The following MKX variants were observed in gnomAD, a reference collection of about 807,000 sequenced individuals.
MKX encodes the protein mohawk homeobox.
MKX carries 13 observed loss-of-function variants against 36.0 expected under a neutral mutation model. That is an observed-to-expected ratio of 0.36 (90% CI 0.24 to 0.57). The LOEUF (loss-of-function observed/expected upper bound fraction) is 0.57, where lower values mean the gene tolerates loss of function less well. Among genes scored for constraint, MKX ranks in the 20% least tolerant of loss-of-function variants. MKX has a pLI of 0.79. For missense variants in MKX, 458 were observed against 456.4 expected (o/e 1.00, Z -0.03); for synonymous variants, 176 against 178.3 (o/e 0.99, Z 0.10).
chr10:27,719,600 T>C (rs912131106), intron 5 of MKX, among the ~76,000 whole-genome samples: 1 of 152,074 alleles, frequency 6.6e-6, no homozygotes, highest in Non-Finnish European at 1.5e-5. Flanking sequence ...GGATCATAGC[T>C]GCTATGACAA....
intron 5 of MKX, among the ~76,000 whole-genome samples, chr10:27,711,515 C>T (rs1211239744): frequency 4.9e-5 from 6 of 123,128 alleles, no homozygotes; most frequent in Admixed American, 9.1e-5. Context: ...TCCTTCCTTC[C>T]TTCCTTCCTT....
chr10:27,705,664 C>A (rs1564354131), intron 5 of MKX, among the ~76,000 whole-genome samples: 1 of 152,104 alleles, frequency 6.6e-6, no homozygotes, highest in Non-Finnish European at 1.5e-5. Context: ...CATATGCTAC[C>A]TTTTTAAAAA....
chr10:27,702,553 C>T (rs539801381), intron 5 of MKX, among the ~76,000 whole-genome samples: 3 of 152,066 alleles, frequency 2.0e-5, no homozygotes, highest in Non-Finnish European at 4.4e-5. Context: ...TCCTACATAC[C>T]GAAGTTATTA....
chr10:27,713,398 A>G (rs1436102869), intron 5 of MKX, among the ~76,000 whole-genome samples: 1 of 152,228 alleles, frequency 6.6e-6, no homozygotes, highest in East Asian at 1.9e-4. Flanking sequence ...AAAGCAGTCC[A>G]TGTACAAAAG....
chr10:27,676,512 G>A (rs1836153974), intron 5 of MKX, among the ~76,000 whole-genome samples: 2 of 151,590 alleles, frequency 1.3e-5, no homozygotes, highest in Admixed American at 6.6e-5. Context: ...TAAGTAGCTG[G>A]GATTACAGGC....
chr10:27,717,024 C>T (rs1246595124), intron 5 of MKX, among the ~76,000 whole-genome samples: 1 of 152,060 alleles, frequency 6.6e-6, no homozygotes, highest in Non-Finnish European at 1.5e-5. Context: ...CTGAGAAAGA[C>T]TCAACATGTG....
At chr10:27,681,922 A>G in intron 5 of MKX, among the ~76,000 whole-genome samples, 1 of 143,360 alleles carries the variant, frequency 7.0e-6, no homozygotes. Context: ...ACTACGTCTC[A>G]AGAAAAAAAA....
intron 5 of MKX, among the ~76,000 whole-genome samples, chr10:27,679,650 T>C (rs111246928): frequency 0.02 from 3,053 of 152,322 alleles, 60 homozygotes; most frequent in African/African-American, 0.054. Flanking sequence ...GCAAGGACTC[T>C]AAAGATCTGG....
chr10:27,699,475 C>G (rs1385089008), intron 5 of MKX, among the ~76,000 whole-genome samples: 3 of 152,166 alleles, frequency 2.0e-5, no homozygotes, highest in Non-Finnish European at 4.4e-5. Flanking sequence ...CACAAAGCTC[C>G]TTTCCTATGG....
rs148104265 is a variant in MKX at position 27,734,584 on chromosome 10, G to C, written c.710C>G (p.Thr237Arg). Residue 237 changes from threonine (T) to arginine (R), a missense_variant, in exon 5 of 7, where the codon ACG (threonine) becomes AGG (arginine). Around this residue, in one of 3 missense-constraint regions of MKX, gnomAD observed 297 missense variants for 304.4 expected, o/e 0.98. Transcript: ENST00000419761. ...TGTTTTTCCCATCATGGTAGTGTTC[G>C]TGGCCATGACATGTCTCAAAGAGTC... ...LNDSLRHVMA[T>R]NTTMMGKTRQ... The C allele has an allele frequency of 3.0e-5, 48 of 1,614,092 alleles. No individual in the cohort carries two copies. In the African/African-American group the frequency reaches 6.0e-4, roughly 20 times the overall value.
At chr10:27,700,441 A>G (rs760367573) in intron 5 of MKX, among the ~76,000 whole-genome samples, 1 of 152,222 alleles carries the variant, frequency 6.6e-6, no homozygotes, top group Non-Finnish European at 1.5e-5. Flanking sequence ...TAATGTTTAC[A>G]CTATCGGTAA....
intron 5 of MKX, among the ~76,000 whole-genome samples, chr10:27,685,511 C>T (rs1410472592): frequency 6.1e-5 from 9 of 148,560 alleles, no homozygotes; most frequent in Admixed American, 2.7e-4. Flanking sequence ...TGCTGTGGCA[C>T]GATCTCGGCT....
chr10:27,731,129 A>T (rs1425018264), intron 5 of MKX, among the ~76,000 whole-genome samples: 1 of 138,234 alleles, frequency 7.2e-6, no homozygotes, highest in Admixed American at 7.3e-5. Context: ...GCAAGACTCC[A>T]TCTCAAAAAA....
chr10:27,709,808 T>C (rs1836821584), intron 5 of MKX, among the ~76,000 whole-genome samples: 1 of 152,222 alleles, frequency 6.6e-6, no homozygotes, highest in Admixed American at 6.5e-5. Flanking sequence ...TCTAAGGCAG[T>C]GCTGTCAATA....
chr10:27,724,172 AT>A (rs748730407), intron 5 of MKX, among the ~76,000 whole-genome samples: 36 of 152,338 alleles, frequency 2.4e-4, no homozygotes, highest in Admixed American at 5.9e-4. Flanking sequence ...ACACAAAAAA[AT>A]AAAATTGTGT....
intron 5 of MKX, among the ~76,000 whole-genome samples, chr10:27,693,076 G>T (rs991750198): frequency 6.6e-6 from 1 of 152,222 alleles, no homozygotes; most frequent in African/African-American, 2.4e-5. Context: ...CATAGCATCA[G>T]CTTCTGGAAC....
chr10:27,724,791 A>ACACACACC (rs775804611), intron 5 of MKX, among the ~76,000 whole-genome samples: 3,425 of 147,750 alleles, frequency 0.023, 126 homozygotes, highest in African/African-American at 0.079. Flanking sequence ...ACACACACAC[A>ACACACACC]CCCCGCAGAA....
At chr10:27,690,863 GAGGGAGGGACCC>G (rs1156793586) in intron 5 of MKX, among the ~76,000 whole-genome samples, 2 of 152,132 alleles carry the variant, frequency 1.3e-5, no homozygotes, top group Admixed American at 1.3e-4. Context: ...CCCACATGTC[GAGGGAGGGACCC>G]AGTGAGAGGT....
At chr10:27,716,853 G>A (rs2815478) in intron 5 of MKX, among the ~76,000 whole-genome samples, 102,123 of 151,958 alleles carry the variant, frequency 0.67, 36,369 homozygotes, top group Non-Finnish European at 0.8. Context: ...AATATGTTAC[G>A]TTCCATGTTA....
Sources: allele counts gnomAD v4.1 joint callset (sites outside exome capture counted in the v4.1 genomes callset), GRCh38; gene constraint gnomAD v4.1.1; regional missense constraint gnomAD v4.1.1; transcripts MANE v1.5; gene names NCBI Gene and HGNC (gene_info 2026-07-23, HGNC 2026-07-21).